The following RELN variants were observed in gnomAD, a reference collection of about 807,000 sequenced individuals.
RELN encodes the protein reelin.
RELN carries 108 observed loss-of-function variants against 427.6 expected under a neutral mutation model. The ratio of observed to expected loss-of-function variants is 0.25; its 90% CI spans 0.22 to 0.30. The LOEUF (loss-of-function observed/expected upper bound fraction) is 0.30, where lower values mean the gene tolerates loss of function less well. RELN is among the 10% of genes least tolerant of loss of function. The probability of loss-of-function intolerance (pLI) is 1.00; values close to 1 mark genes in which losing one functional copy is unlikely to be tolerated. For synonymous variants in RELN, 1,524 were observed against 1,513.4 expected (o/e 1.01, Z -0.16); for missense variants, 3,715 against 4,302.8 (o/e 0.86, Z 3.82).
At position 103,884,367 on chromosome 7, in the gene RELN, T is replaced by C. The variant is rs144764790; in HGVS notation, c.337+32708A>G. Among the ~76,000 whole-genome samples, 604 of 152,038 alleles carry C rather than the reference T, an allele frequency of 4.0e-3. 23 individuals are homozygous for C. The East Asian group carries it at 0.072, about 18-fold the overall frequency. On this transcript the variant is annotated intron_variant, in intron 2 of 64. Coordinates refer to ENST00000428762, the MANE Select transcript of RELN (RefSeq NM_005045.4). ...TAGGCAATACCATTCAGGACATAGG[T>C]ATGGGCAAAGACTTCGTGTCTAAAA...
chr7:103,834,104 G>T (rs367744755), intron 2 of RELN, among the ~76,000 whole-genome samples: 96 of 152,262 alleles, frequency 6.3e-4, no homozygotes, highest in African/African-American at 2.3e-3. Flanking sequence ...ATTTCAGAGG[G>T]CAAGGTGATC....
At chr7:103,663,919 G>GT (rs1186249525) in intron 11 of RELN, among the ~76,000 whole-genome samples, 1 of 152,262 alleles carries the variant, frequency 6.6e-6, no homozygotes. Flanking sequence ...GACCTCTATG[G>GT]CCCCAGGTGC....
Position 103,566,321 on chromosome 7 carries a change from A to G in RELN, c.4839T>C (p.Ser1613=). Residue 1613 remains serine (S), a synonymous_variant, in exon 33 of 65, where the codon TCT becomes TCC. Transcript: ENST00000428762. ...QTGFQDKFDG[S]IDLQANWYRI... Reference sequence around the variant, plus strand: ...GATACCAGTTGGCTTGCAAATCTATAGAGCCATCAAATTTGTCTTGAAATC... The same window carrying G: ...GATACCAGTTGGCTTGCAAATCTATGGAGCCATCAAATTTGTCTTGAAATC... The G allele has an allele frequency of 1.2e-6, 2 of 1,614,064 alleles. No homozygotes were observed. Among genetic ancestry groups the G allele is most frequent in the Non-Finnish European group, 1.7e-6 (2 of 1,179,940 alleles).
chr7:103,605,122 G>A (rs553690957), intron 22 of RELN, among the ~76,000 whole-genome samples: 8 of 152,272 alleles, frequency 5.3e-5, no homozygotes, highest in Admixed American at 2.6e-4. Context: ...AAGCCACCGC[G>A]CCCTGCCAAC....
chr7:103,640,709 G>A lies in RELN; in HGVS notation c.2003-100C>T. The A allele has an allele frequency of 1.7e-6, 2 of 1,197,462 alleles. No individual in the cohort carries two copies. The highest frequency in any genetic ancestry group is 5.0e-5 in the East Asian group (2 of 39,842). The allele number at this position is 1,197,462 out of a possible 1,614,324, so 74.2% of individuals were successfully genotyped here. ...ATGAAATATGGCCCCTTGTGTGTAT[G>A]TTGTGTGCAGGAACCCAGGGTGACA... On this transcript the variant is annotated intron_variant, in intron 16 of 64. Transcript: ENST00000428762. This position sits in a 1 kb window ranked among gnomAD's most constrained non-coding sequence, Gnocchi z 4.1.
chr7:103,755,500 C>T (rs563438619), intron 4 of RELN, among the ~76,000 whole-genome samples: 13 of 151,754 alleles, frequency 8.6e-5, no homozygotes, highest in African/African-American at 2.9e-4. Flanking sequence ...CCCAGCTGCT[C>T]AGGAGGCTGA....
chr7:103,635,287 T>C, intron 19 of RELN, 138 bp downstream of exon 19: 1 of 861,594 alleles, frequency 1.2e-6, no homozygotes, highest in Non-Finnish European at 1.8e-6. Flanking sequence ...TGGTAGTTTT[T>C]CACTGCAAGA....
intron 20 of RELN, among the ~76,000 whole-genome samples, chr7:103,616,519 T>C (rs76825636): frequency 0.022 from 3,360 of 152,242 alleles, 51 homozygotes; most frequent in Non-Finnish European, 0.032. Flanking sequence ...ATTGTATACT[T>C]ATTGGAAAAA....
intron 20 of RELN, among the ~76,000 whole-genome samples, chr7:103,627,218 A>G (rs946650371): frequency 5.3e-5 from 8 of 152,146 alleles, no homozygotes; most frequent in Admixed American, 1.3e-4. Context: ...TGAAGGGCAG[A>G]GACTGCATAC....
chr7:103,793,329 T>C (rs547613497), intron 3 of RELN, among the ~76,000 whole-genome samples: 1 of 152,352 alleles, frequency 6.6e-6, no homozygotes, highest in Admixed American at 6.5e-5. Context: ...TACAAGTATA[T>C]TCCAAAGCAG....
chr7:103,898,218 A>AAG (rs1436589855), intron 2 of RELN, among the ~76,000 whole-genome samples: 3 of 151,872 alleles, frequency 2.0e-5, no homozygotes, highest in Non-Finnish European at 4.4e-5. Flanking sequence ...TTGAAGAAGG[A>AAG]AGGTAAATTT....
At chr7:103,899,371 G>T (rs1795031929) in intron 2 of RELN, among the ~76,000 whole-genome samples, 1 of 152,060 alleles carries the variant, frequency 6.6e-6, no homozygotes. Context: ...GTACAACGAG[G>T]AACTGGTACC....
chr7:103,487,574 T>G (rs917108841), intron 60 of RELN, among the ~76,000 whole-genome samples: 29 of 152,148 alleles, frequency 1.9e-4, no homozygotes, highest in African/African-American at 6.8e-4. Context: ...TTTGAGTCAA[T>G]GTTTACTAAA....
At chr7:103,724,541 T>C (rs918503393) in intron 7 of RELN, among the ~76,000 whole-genome samples, 4 of 152,246 alleles carry the variant, frequency 2.6e-5, no homozygotes, top group Admixed American at 6.5e-5. Flanking sequence ...CTTATCCTGA[T>C]GGTGTAATAA....
intron 5 of RELN, among the ~76,000 whole-genome samples, chr7:103,751,521 A>G (rs1409877970): frequency 6.6e-6 from 1 of 152,216 alleles, no homozygotes; most frequent in African/African-American, 2.4e-5. Flanking sequence ...GAGAATATGG[A>G]TATACACTGG....
rs1408449131 is a variant in RELN at position 103,573,465 on chromosome 7, A to G, written c.4511+627T>C. Among the ~76,000 whole-genome samples, 3 of 152,196 alleles carry G rather than the reference A, an allele frequency of 2.0e-5. No individual in the cohort carries two copies. The highest frequency in any genetic ancestry group is 7.2e-5 in the African/African-American group (3 of 41,458). ...TGCAGATGGAAAGGGAAGGAAATTG[A>G]AGGAAGGAAAAATATGACACAGGAC... On this transcript the variant is annotated intron_variant, in intron 30 of 64. Coordinates refer to ENST00000428762, the MANE Select transcript of RELN (RefSeq NM_005045.4). This position sits in a 1 kb window ranked among gnomAD's most constrained non-coding sequence, Gnocchi z 4.4.
intron 1 of RELN, among the ~76,000 whole-genome samples, chr7:103,951,344 G>A (rs751102182): frequency 2.6e-5 from 4 of 152,172 alleles, no homozygotes; most frequent in African/African-American, 4.8e-5. Flanking sequence ...CAATATTCTA[G>A]AGATACGATA....
intron 25 of RELN, among the ~76,000 whole-genome samples, chr7:103,595,129 C>T (rs1396197403): frequency 2.0e-5 from 3 of 152,114 alleles, no homozygotes; most frequent in Non-Finnish European, 4.4e-5. Context: ...CAAAGACATG[C>T]TATTCTGCAA....
At chr7:103,965,488 A>T (rs1796642367) in intron 1 of RELN, among the ~76,000 whole-genome samples, 1 of 152,218 alleles carries the variant, frequency 6.6e-6, no homozygotes, top group South Asian at 2.1e-4. Flanking sequence ...ATACTCATAA[A>T]ATCATGTCTT....
Sources: gnomAD v4.1 joint callset for allele counts (sites outside exome capture counted in the v4.1 genomes callset) on GRCh38, gnomAD v4.1.1 for gene constraint, Gnocchi (gnomAD v3.1) non-coding constraint, MANE v1.5 for transcripts, NCBI Gene and HGNC (gene_info 2026-07-23, HGNC 2026-07-21) for gene names.